Variants in VMP1 observed in about 807,000 individuals in gnomAD.
VMP1 encodes the protein vacuole membrane protein 1.
In VMP1, 11 loss-of-function variants were observed where a neutral mutation model predicts 56.0. The ratio of observed to expected loss-of-function variants is 0.20; its 90% CI spans 0.12 to 0.32. The LOEUF is 0.32. Among genes scored for constraint, VMP1 ranks in the 10% least tolerant of loss-of-function variants. The pLI, the probability that VMP1 is intolerant of heterozygous loss-of-function variation, is 1.00. For missense variants in VMP1, 296 were observed against 490.3 expected (o/e 0.60, Z 3.74); for synonymous variants, 149 against 165.0 (o/e 0.90, Z 0.74).
At chr17:59,830,395 TCTC>T (rs566945979) in intron 10 of VMP1, among the ~76,000 whole-genome samples, 67 of 152,296 alleles carry the variant, frequency 4.4e-4, no homozygotes, top group Non-Finnish European at 8.5e-4. Context: ...ACCTGAATCT[TCTC>T]CTGAAAAATT....
intron 5 of VMP1, among the ~76,000 whole-genome samples, chr17:59,739,495 C>T (rs1031399510): frequency 4.6e-5 from 7 of 151,690 alleles, no homozygotes; most frequent in Non-Finnish European, 5.9e-5. Flanking sequence ...GAGGCCAAGG[C>T]GGGCAGATCA....
intron 10 of VMP1, among the ~76,000 whole-genome samples, chr17:59,831,999 C>T (rs959359412): frequency 1.3e-5 from 2 of 151,932 alleles, no homozygotes; most frequent in Non-Finnish European, 2.9e-5. Context: ...GCCTCCTGCT[C>T]AGCCTCCAGA....
intron 1 of VMP1, among the ~76,000 whole-genome samples, chr17:59,712,131 A>G (rs973917080): frequency 3.9e-5 from 6 of 152,198 alleles, no homozygotes; most frequent in African/African-American, 1.4e-4. Flanking sequence ...TCTGTAGCAT[A>G]TAGTTAACCA....
chr17:59,812,045 T>G (rs2665402), intron 9 of VMP1, among the ~76,000 whole-genome samples: 2 of 151,188 alleles, frequency 1.3e-5, no homozygotes, highest in Non-Finnish European at 2.9e-5. Context: ...TTGTCCTGTT[T>G]AACTATTTAT....
At chr17:59,825,405 T>G (rs2038616386) in intron 10 of VMP1, among the ~76,000 whole-genome samples, 1 of 152,112 alleles carries the variant, frequency 6.6e-6, no homozygotes, top group Non-Finnish European at 1.5e-5. Context: ...TTAATACTAA[T>G]TTTTATTTAA....
Position 59,810,307 on chromosome 17 carries a change from C to T in VMP1, c.796-1363C>T, listed in dbSNP as rs142490425. Among the ~76,000 whole-genome samples, 1,384 of 152,218 alleles carry T rather than the reference C, an allele frequency of 9.1e-3. 9 individuals are homozygous for T. Among genetic ancestry groups the T allele is most frequent in the Non-Finnish European group, 0.016 (1,106 of 68,010 alleles). On this transcript the variant is annotated intron_variant, in intron 8 of 11. Transcript: ENST00000262291. ...TAGCTGGGATTACAATCATGCACCACTACACCCAGCTAATTTTTGTATTTT... is the reference window on the plus strand; with the variant it reads ...TAGCTGGGATTACAATCATGCACCATTACACCCAGCTAATTTTTGTATTTT...
At chr17:59,805,846 T>A (rs1158947019) in intron 7 of VMP1, among the ~76,000 whole-genome samples, 1 of 152,114 alleles carries the variant, frequency 6.6e-6, no homozygotes, top group Non-Finnish European at 1.5e-5. Flanking sequence ...GGAAAACTTA[T>A]AAAAATTGTG....
chr17:59,791,544 T>G (rs1241667121), intron 7 of VMP1, among the ~76,000 whole-genome samples: 1 of 135,882 alleles, frequency 7.4e-6, no homozygotes, highest in Non-Finnish European at 1.5e-5. Flanking sequence ...CAAGCTGGAG[T>G]GCTCACTCCT....
chr17:59,836,755 A>T (rs1392764413), intron 10 of VMP1, among the ~76,000 whole-genome samples: 1 of 148,160 alleles, frequency 6.7e-6, no homozygotes, highest in Non-Finnish European at 1.5e-5. Context: ...CAGCAAAAGG[A>T]ATCAATTAAG....
At chr17:59,799,879 C>G (rs1293316493) in intron 7 of VMP1, among the ~76,000 whole-genome samples, 1 of 148,988 alleles carries the variant, frequency 6.7e-6, no homozygotes, top group Non-Finnish European at 1.5e-5. Context: ...AGGAGAATCA[C>G]TTGAACCCGG....
intron 9 of VMP1, among the ~76,000 whole-genome samples, chr17:59,816,026 G>A (rs78762748): frequency 8.2e-4 from 124 of 151,790 alleles, no homozygotes; most frequent in African/African-American, 2.1e-3. Flanking sequence ...GGGCTCTTCC[G>A]TGGTCTGTGC....
At chr17:59,812,425 G>T (rs1242421990) in intron 9 of VMP1, among the ~76,000 whole-genome samples, 1 of 152,168 alleles carries the variant, frequency 6.6e-6, no homozygotes, top group East Asian at 1.9e-4. Flanking sequence ...GAGGGTGTGT[G>T]CATGTGTATG....
intron 3 of VMP1, among the ~76,000 whole-genome samples, chr17:59,736,239 C>G (rs1325468386): frequency 6.6e-6 from 1 of 151,646 alleles, no homozygotes; most frequent in Non-Finnish European, 1.5e-5. Flanking sequence ...CCCGTCTCTA[C>G]TAAAAATATA....
intron 1 of VMP1, among the ~76,000 whole-genome samples, chr17:59,718,350 C>T (rs1448576354): frequency 6.6e-6 from 1 of 151,794 alleles, no homozygotes; most frequent in Admixed American, 6.6e-5. Context: ...GCGCCTGCCA[C>T]CACGCCCGGC....
intron 1 of VMP1, among the ~76,000 whole-genome samples, chr17:59,713,432 G>T (rs1026491652): frequency 6.6e-6 from 1 of 151,944 alleles, no homozygotes; most frequent in Non-Finnish European, 1.5e-5. Flanking sequence ...TCCAAGTCAC[G>T]CACTTACATA....
intron 10 of VMP1, among the ~76,000 whole-genome samples, chr17:59,824,789 C>G (rs992959340): frequency 6.8e-6 from 1 of 147,650 alleles, no homozygotes; most frequent in Non-Finnish European, 1.5e-5. Context: ...GGGAGAATCT[C>G]TTGAACCCAG....
At chr17:59,787,997 T>A (rs2037066407) in intron 7 of VMP1, among the ~76,000 whole-genome samples, 1 of 152,164 alleles carries the variant, frequency 6.6e-6, no homozygotes. Flanking sequence ...AGTTTGAAAT[T>A]GTTTATGTTT....
rs375020945 is a variant in VMP1 at position 59,735,322 on chromosome 17, C to T, written c.77-16C>T. ...GTTAGAAATTCTGTTTTAATCTCTG[C>T]ACTATTGTTTTTCAGACCCCTCTTC... On this transcript the variant is annotated splice_polypyrimidine_tract_variant and intron_variant, in intron 2 of 11. Coordinates refer to ENST00000262291, the MANE Select transcript of VMP1 (RefSeq NM_030938.5). 68 of 1,612,758 alleles carry T rather than the reference C, an allele frequency of 4.2e-5. No individual in the cohort carries two copies. The Middle Eastern group carries it at 8.2e-4, about 20-fold the overall frequency.
chr17:59,812,103 A>G (rs1486369821), intron 9 of VMP1, among the ~76,000 whole-genome samples: 1 of 152,090 alleles, frequency 6.6e-6, no homozygotes, highest in Non-Finnish European at 1.5e-5. Context: ...AGAAAGATGC[A>G]CATCATTTTT....
Sources: gnomAD v4.1 joint callset for allele counts (sites outside exome capture counted in the v4.1 genomes callset) on GRCh38, gnomAD v4.1.1 for gene constraint, MANE v1.5 for transcripts, NCBI Gene and HGNC (gene_info 2026-07-23, HGNC 2026-07-21) for gene names.